LCN2: variants seen among roughly 807,000 people sequenced by gnomAD.
The protein encoded by LCN2 is neutrophil gelatinase-associated lipocalin.
LCN2 carries 27 observed loss-of-function variants against 26.4 expected under a neutral mutation model. That is an observed-to-expected ratio of 1.02 (90% CI 0.76 to 1.41). LCN2 has a LOEUF of 1.41. Ranked by LOEUF, LCN2 falls within the 40% of genes most tolerant of loss-of-function variation. The probability of loss-of-function intolerance (pLI) is 0.00; values close to 1 mark genes in which losing one functional copy is unlikely to be tolerated. For synonymous variants in LCN2, 94 were observed against 98.9 expected (o/e 0.95, Z 0.30); for missense variants, 224 against 237.6 (o/e 0.94, Z 0.38).
intron 1 of LCN2, 133 bp downstream of exon 1, chr9:128,149,796 C>G: frequency 2.8e-6 from 3 of 1,090,256 alleles, no homozygotes; most frequent in East Asian, 5.1e-5. Flanking sequence ...TCAGCTCACT[C>G]TGTGCCACCA....
chr9:128,153,001 G>C lies in LCN2; in HGVS notation c.578-99G>C, dbSNP rs1829155104. On this transcript the variant is annotated intron_variant, in intron 5 of 6. Coordinates refer to ENST00000277480, the MANE Select transcript of LCN2 (RefSeq NM_005564.5). This position sits in a 1 kb window ranked among gnomAD's most constrained non-coding sequence, Gnocchi z 5.4. Reference sequence around the variant, plus strand: ...CCAGGTGGGGCAGGGGCTGCCCAGGGGCAGTGCAGAGGACCTGGCAGTCAG... The same window carrying C: ...CCAGGTGGGGCAGGGGCTGCCCAGGCGCAGTGCAGAGGACCTGGCAGTCAG... 6.4e-7 allele frequency: 1 copy of C among 1,573,238 alleles called. No homozygotes were observed. Among genetic ancestry groups the C allele is most frequent in the African/African-American group, 1.3e-5 (1 of 74,244 alleles).
chr9:128,151,831 T>TGGGC, intron 3 of LCN2, 75 bp from the exon 4 acceptor site: 1 of 1,584,384 alleles, frequency 6.3e-7, no homozygotes. Context: ...CCCACGTTGA[T>TGGGC]GGGCTGGGGA....
intron 5 of LCN2, 107 bp downstream of exon 5, chr9:128,152,391 A>G (rs1164030344): frequency 1.0e-6 from 1 of 975,898 alleles, no homozygotes. Flanking sequence ...AGCTTCAGTC[A>G]CTGGAGCAGT....
rs1423958279 is a variant in LCN2 at position 128,150,310 on chromosome 9, A to G, written c.211A>G (p.Met71Val). ...CAGAGAAGACAAAGACCCGCAAAAGATGTATGCCACCATCTATGAGCTGAA... is the reference window on the plus strand; with the variant it reads ...CAGAGAAGACAAAGACCCGCAAAAGGTGTATGCCACCATCTATGAGCTGAA... Reference protein sequence around the residue: ...ILREDKDPQKMYATIYELKED... With the variant: ...ILREDKDPQKVYATIYELKED... Residue 71 changes from methionine to valine, a missense_variant, in exon 2 of 7, where the codon ATG becomes GTG. Physicochemically the swap from Met to Val is conservative, Grantham distance 21. Transcript: ENST00000277480. 6.2e-7 allele frequency: 1 copy of G among 1,614,146 alleles called. No homozygotes were observed. The highest frequency in any genetic ancestry group is 8.5e-7 in the Non-Finnish European group (1 of 1,180,036).
Position 128,149,572 on chromosome 9 carries a change from T to C in LCN2, c.47T>C (p.Leu16Pro), listed in dbSNP as rs1430565006. ...LWLGLALLGA[L>P]HAQAQDSTSD... ...CTGGGCCTAGCCCTGTTGGGGGCTC[T>C]GCATGCCCAGGCCCAGGACTCCACC... The change falls in exon 1 of 7, where the codon CTG becomes CCG. Residue 16 changes from leucine (L) to proline (P), a missense_variant. By Grantham distance (98) the Leu-to-Pro change is moderately conservative (BLOSUM62 -3). Transcript: ENST00000277480. 6.2e-7 allele frequency: 1 copy of C among 1,613,996 alleles called. No homozygotes were observed. The highest frequency in any genetic ancestry group is 1.1e-5 in the South Asian group (1 of 91,090).
intron 2 of LCN2, 67 bp from the exon 3 acceptor site, chr9:128,151,571 T>C (rs1327285554): frequency 4.6e-6 from 6 of 1,290,926 alleles, no homozygotes; most frequent in Non-Finnish European, 6.8e-6. Context: ...TGGCCCCACC[T>C]TGTCCAGCAC....
At position 128,151,952 on chromosome 9, in the gene LCN2, C is replaced by A; in HGVS notation, c.402C>A (p.Asn134Lys). 1 of 1,614,140 alleles carries A rather than the reference C, an allele frequency of 6.2e-7. No homozygotes were observed. The highest frequency in any genetic ancestry group is 8.5e-7 in the Non-Finnish European group (1 of 1,180,002). ...TSYLVRVVST[N>K]YNQHAMVFFK... ...ACCTCGTCCGAGTGGTGAGCACCAACTACAACCAGCATGCTATGGTGTTCT... is the reference window on the plus strand; with the variant it reads ...ACCTCGTCCGAGTGGTGAGCACCAAATACAACCAGCATGCTATGGTGTTCT... Residue 134 changes from asparagine (N) to lysine (K), a missense_variant, in exon 4 of 7, where the codon AAC becomes AAA. Transcript: ENST00000277480.
rs1234374338 is a variant in LCN2 at position 128,150,263 on chromosome 9, G to T, written c.164G>T (p.Gly55Val). 8 of 1,614,104 alleles carry T rather than the reference G, an allele frequency of 5.0e-6. No homozygotes were observed. Among genetic ancestry groups the T allele is most frequent in the Admixed American group, 1.7e-5 (1 of 60,022 alleles). ...NQFQGKWYVV[G>V]LAGNAILRED... ...TTCCAGGGGAAGTGGTATGTGGTAG[G>T]CCTGGCAGGGAATGCAATTCTCAGA... The change falls in exon 2 of 7, where the codon GGC becomes GTC. Residue 55 changes from glycine to valine, a missense_variant. By Grantham distance (109) the Gly-to-Val change is moderately radical. Coordinates refer to ENST00000277480, the MANE Select transcript of LCN2 (RefSeq NM_005564.5).
chr9:128,150,574 C>T, intron 2 of LCN2, 200 bp downstream of exon 2: 1 of 738,002 alleles, frequency 1.4e-6, no homozygotes. Context: ...TGGACATGCA[C>T]AGTCGTTAGA....
At chr9:128,149,757 C>G in intron 1 of LCN2, 94 bp downstream of exon 1, 2 of 1,500,034 alleles carry the variant, frequency 1.3e-6, no homozygotes, top group East Asian at 2.3e-5. Flanking sequence ...GAGCGTTGGG[C>G]AGGACTCTAG....
rs144354643 is a variant in LCN2, at chr9:128,149,618, A to G, written c.93A>G (p.Pro31=). The G allele has an allele frequency of 6.2e-4, 999 of 1,613,548 alleles. 1 individual carries two copies. Among genetic ancestry groups the G allele is most frequent in the Non-Finnish European group, 8.1e-4 (955 of 1,179,902 alleles). Reference sequence around the variant, plus strand: ...CCACCTCAGACCTGATCCCAGCCCCACCTCTGAGCAAGGTCCCTCTGCAGC... The same window carrying G: ...CCACCTCAGACCTGATCCCAGCCCCGCCTCTGAGCAAGGTCCCTCTGCAGC... ...QDSTSDLIPA[P]PLSKVPLQQN... Residue 31 remains proline, a synonymous_variant, in exon 1 of 7, where the codon CCA becomes CCG. Coordinates refer to ENST00000277480, the MANE Select transcript of LCN2 (RefSeq NM_005564.5).
intron 2 of LCN2, 41 bp downstream of exon 2, chr9:128,150,415 A>G: frequency 3.1e-6 from 5 of 1,613,952 alleles, no homozygotes; most frequent in Non-Finnish European, 8.5e-7. Flanking sequence ...AGTCAGACTG[A>G]CGTCACAGGC....
Position 128,150,249 on chromosome 9 carries a change from G to C in LCN2, c.150G>C (p.Lys50Asn), listed in dbSNP as rs769184359. 5 of 1,613,772 alleles carry C rather than the reference G, an allele frequency of 3.1e-6. No individual in the cohort carries two copies. Among genetic ancestry groups the C allele is most frequent in the Non-Finnish European group, 4.2e-6 (5 of 1,179,886 alleles). The part of the protein sequence containing the change: ...QNFQDNQFQG[K>N]WYVVGLAGNA... ...TCAGTCCCTTGCAGTTCCAGGGGAA[G>C]TGGTATGTGGTAGGCCTGGCAGGGA... Residue 50 changes from lysine (K) to asparagine (N), a missense_variant, in exon 2 of 7, where the codon AAG becomes AAC. Lys to Asn is a moderately conservative substitution (Grantham distance 94, BLOSUM62 0). Coordinates refer to ENST00000277480, the MANE Select transcript of LCN2 (RefSeq NM_005564.5).
Position 128,149,620 on chromosome 9 carries a change from C to T in LCN2, c.95C>T (p.Pro32Leu). The change falls in exon 1 of 7, where the codon CCT (proline) becomes CTT (leucine). Residue 32 changes from proline (P) to leucine (L), a missense_variant. Transcript: ENST00000277480. ...ACCTCAGACCTGATCCCAGCCCCAC[C>T]TCTGAGCAAGGTCCCTCTGCAGCAG... ...DSTSDLIPAP[P>L]LSKVPLQQNF... 6.2e-7 allele frequency: 1 copy of T among 1,614,068 alleles called. No individual in the cohort carries two copies. The highest frequency in any genetic ancestry group is 8.5e-7 in the Non-Finnish European group (1 of 1,179,998).
At position 128,149,489 on chromosome 9, in the gene LCN2, C is replaced by T; in HGVS notation, c.-37C>T. The T allele has an allele frequency of 1.3e-6, 2 of 1,548,150 alleles. No individual in the cohort carries two copies. Among genetic ancestry groups the T allele is most frequent in the Non-Finnish European group, 1.7e-6 (2 of 1,145,754 alleles). On this transcript the variant is annotated 5_prime_UTR_variant, in exon 1 of 7. Coordinates refer to ENST00000277480, the MANE Select transcript of LCN2 (RefSeq NM_005564.5). The stretch of plus-strand genomic sequence containing the variant: ...CCTCTTCCACCCCTGCCAGGCCCAG[C>T]AGCCACCACAGCGCCTGCTTCCTCG...
At chr9:128,152,132 A>G (rs1163950754) in intron 4 of LCN2, 51 bp from the exon 5 acceptor site, 12 of 1,610,200 alleles carry the variant, frequency 7.5e-6, no homozygotes, top group African/African-American at 1.3e-5. Context: ...TACTCATTCA[A>G]CGATATTTAT....
chr9:128,149,568 G>A lies in LCN2; in HGVS notation c.43G>A (p.Ala15Thr). 2 of 1,613,844 alleles carry A rather than the reference G, an allele frequency of 1.2e-6. No individual in the cohort carries two copies. The highest frequency in any genetic ancestry group is 2.2e-5 in the East Asian group (1 of 44,872). The part of the protein sequence containing the change: ...LLWLGLALLG[A>T]LHAQAQDSTS... ...GTGGCTGGGCCTAGCCCTGTTGGGG[G>A]CTCTGCATGCCCAGGCCCAGGACTC... Residue 15 changes from alanine (A) to threonine (T), a missense_variant, in exon 1 of 7, where the codon GCT becomes ACT. Ala to Thr is a moderately conservative substitution (Grantham distance 58). Transcript: ENST00000277480.
At position 128,153,140 on chromosome 9, in the gene LCN2, G is replaced by A; in HGVS notation, c.*7+14G>A. ...GCTGAGTGCACAGTGAGTGTGGCTG[G>A]GCGGCTGCGAGGGGGCTTGTGGGAG... is the stretch of plus-strand genomic sequence containing the variant. On this transcript the variant is annotated intron_variant, in intron 6 of 6. Transcript: ENST00000277480. This position sits in a 1 kb window ranked among gnomAD's most constrained non-coding sequence, Gnocchi z 5.4. 1 of 1,614,018 alleles carries A rather than the reference G, an allele frequency of 6.2e-7. No homozygotes were observed. The highest frequency in any genetic ancestry group is 8.5e-7 in the Non-Finnish European group (1 of 1,179,976).
intron 3 of LCN2, 85 bp from the exon 4 acceptor site, chr9:128,151,821 C>A: frequency 6.3e-7 from 1 of 1,599,788 alleles, no homozygotes; most frequent in Non-Finnish European, 8.6e-7. Context: ...TGGGGAGAAG[C>A]CCACGTTGAT....
Sources: allele counts gnomAD v4.1 joint callset, GRCh38; gene constraint gnomAD v4.1.1; non-coding constraint Gnocchi (gnomAD v3.1); transcripts MANE v1.5; gene names NCBI Gene and HGNC (gene_info 2026-07-23, HGNC 2026-07-21).